The following TBCK variants were observed in gnomAD, a reference collection of about 807,000 sequenced individuals.
The protein encoded by TBCK is TBC domain-containing protein kinase-like protein.
TBCK carries 99 observed loss-of-function variants against 113.4 expected under a neutral mutation model. That is an observed-to-expected ratio of 0.87 (90% CI 0.74 to 1.03). TBCK has a LOEUF of 1.03. Among genes scored for constraint, TBCK ranks in the 50% least tolerant of loss-of-function variants. TBCK has a pLI of 0.00. For missense variants in TBCK, 1,045 were observed against 1,061.3 expected (o/e 0.98, Z 0.21); for synonymous variants, 369 against 370.8 (o/e 1.00, Z 0.05).
intron 22 of TBCK, among the ~76,000 whole-genome samples, chr4:106,174,581 T>C (rs763696936): frequency 6.6e-6 from 1 of 152,160 alleles, no homozygotes; most frequent in Non-Finnish European, 1.5e-5. Flanking sequence ...TTCATTGTGC[T>C]GGGCATTTGG....
Position 106,100,191 on chromosome 4 carries a change from A to G in TBCK, c.2412-4550T>C, listed in dbSNP as rs186402213. On this transcript the variant is annotated intron_variant, in intron 24 of 25. Coordinates refer to ENST00000394708, the MANE Select transcript of TBCK (RefSeq NM_001163435.3). ...TTCTAATGAAAATGACTTCTATCTAAACAACTGATAGGAACAATGTGTATT... is the reference window on the plus strand; with the variant it reads ...TTCTAATGAAAATGACTTCTATCTAGACAACTGATAGGAACAATGTGTATT... Among the ~76,000 whole-genome samples, 62 of 152,320 alleles carry G rather than the reference A, an allele frequency of 4.1e-4. 2 individuals carry two copies. The East Asian group carries it at 0.012, about 29-fold the overall frequency.
At position 106,145,221 on chromosome 4, in the gene TBCK, G is replaced by A. The variant is rs1009827760; in HGVS notation, c.2235+25874C>T. Among the ~76,000 whole-genome samples the A allele has an allele frequency of 5.3e-5, 8 of 151,658 alleles. No individual in the cohort carries two copies. In the East Asian group the frequency reaches 1.6e-3, roughly 30 times the overall value. On this transcript the variant is annotated intron_variant, in intron 23 of 25. Coordinates refer to ENST00000394708, the MANE Select transcript of TBCK (RefSeq NM_001163435.3). The stretch of plus-strand genomic sequence containing the variant: ...TAGTCCCAGCTACTTGTGAGGCTGA[G>A]GCAGGAGAATTGCTTGAACCCAGGA...
At chr4:106,153,446 A>C (rs1184952078) in intron 23 of TBCK, among the ~76,000 whole-genome samples, 1 of 152,080 alleles carries the variant, frequency 6.6e-6, no homozygotes, top group Non-Finnish European at 1.5e-5. Flanking sequence ...TGAATGTTTT[A>C]AGATTTGCTT....
chr4:106,084,983 T>C (rs1442344754), intron 25 of TBCK, among the ~76,000 whole-genome samples: 1 of 152,064 alleles, frequency 6.6e-6, no homozygotes, highest in African/African-American at 2.4e-5. Flanking sequence ...TGCCAGCCAC[T>C]GCAAAAACAC....
intron 22 of TBCK, among the ~76,000 whole-genome samples, chr4:106,191,048 T>C (rs1209016006): frequency 6.6e-6 from 1 of 152,202 alleles, no homozygotes; most frequent in African/African-American, 2.4e-5. Context: ...AACCAATTGC[T>C]CAGTGAACAT....
intron 2 of TBCK, among the ~76,000 whole-genome samples, chr4:106,301,912 A>G (rs962250356): frequency 8.5e-5 from 13 of 152,218 alleles, no homozygotes; most frequent in African/African-American, 2.4e-5. Context: ...ATGTGTTCAT[A>G]TTGAGAAATA....
intron 3 of TBCK, among the ~76,000 whole-genome samples, chr4:106,268,258 T>C (rs917255429): frequency 3.9e-5 from 6 of 152,094 alleles, no homozygotes; most frequent in African/African-American, 1.2e-4. Flanking sequence ...TGTGGTAGAA[T>C]TGAACTCCCT....
intron 3 of TBCK, among the ~76,000 whole-genome samples, chr4:106,280,591 T>A (rs1198131552): frequency 6.6e-6 from 1 of 152,152 alleles, no homozygotes; most frequent in Non-Finnish European, 1.5e-5. Flanking sequence ...TAATCCATTT[T>A]GATTTGAATT....
At chr4:106,059,827 T>C (rs1735836863) in intron 25 of TBCK, among the ~76,000 whole-genome samples, 1 of 151,796 alleles carries the variant, frequency 6.6e-6, no homozygotes, top group South Asian at 2.1e-4. Context: ...AACAGCCAAG[T>C]TGTGAATGCA....
intron 23 of TBCK, among the ~76,000 whole-genome samples, chr4:106,128,885 T>C (rs1181382101): frequency 6.6e-6 from 1 of 152,174 alleles, no homozygotes; most frequent in African/African-American, 2.4e-5. Context: ...TCGTATGATA[T>C]TGCATCAGGA....
rs182252942 is a variant in TBCK, at chr4:106,273,019, C to A, written c.267-10807G>T. ...AAAATAATAGCAATGATAAAGATAA[C>A]CATACCACAACCACTACTATAAGTA... is the stretch of plus-strand genomic sequence containing the variant. On this transcript the variant is annotated intron_variant, in intron 3 of 25. Coordinates refer to ENST00000394708, the MANE Select transcript of TBCK (RefSeq NM_001163435.3). 9.9e-4 allele frequency among the ~76,000 whole-genome samples: 151 copies of A among 152,242 alleles called. 2 individuals carry two copies. The highest frequency in any genetic ancestry group is 3.3e-3 in the African/African-American group (139 of 41,532).
chr4:106,138,064 CACAA>C lies in TBCK; in HGVS notation c.2236-21690_2236-21687del, dbSNP rs1746772828. Among the ~76,000 whole-genome samples the C allele has an allele frequency of 1.4e-5, 2 of 141,160 alleles. 1 individual carries two copies. The highest frequency in any genetic ancestry group is 1.4e-4 in the Admixed American group (2 of 14,284). 92.6% of individuals were successfully genotyped at this position (141,160 alleles called of 152,430 possible). A position where few individuals can be genotyped will look rare whatever the true frequency, so the allele number is the denominator to read the frequency against. On this transcript the variant is annotated intron_variant, in intron 23 of 25. Transcript: ENST00000394708. ...GTGCAAACATCATAGGGTGTATTTACACAAACAAAGATGGCATATATACTTATTT... is the reference window on the plus strand; with the variant it reads ...GTGCAAACATCATAGGGTGTATTTACACAAAGATGGCATATATACTTATTT...
chr4:106,108,105 C>T (rs1742390070), intron 24 of TBCK, among the ~76,000 whole-genome samples: 1 of 152,074 alleles, frequency 6.6e-6, no homozygotes, highest in Non-Finnish European at 1.5e-5. Context: ...GAAGTTCAAT[C>T]AGTAATAAAT....
At chr4:106,067,424 T>C (rs1295727028) in intron 25 of TBCK, among the ~76,000 whole-genome samples, 2 of 152,134 alleles carry the variant, frequency 1.3e-5, no homozygotes, top group African/African-American at 4.8e-5. Context: ...ATCAGGCATA[T>C]GATTTACAAA....
intron 22 of TBCK, among the ~76,000 whole-genome samples, chr4:106,177,548 G>C (rs1039777186): frequency 6.6e-6 from 1 of 151,852 alleles, no homozygotes; most frequent in Non-Finnish European, 1.5e-5. Context: ...TCTGCATATG[G>C]AGATACAGTT....
At chr4:106,126,261 T>G (rs988795158) in intron 23 of TBCK, among the ~76,000 whole-genome samples, 18 of 152,230 alleles carry the variant, frequency 1.2e-4, no homozygotes, top group Admixed American at 2.0e-4. Context: ...GGTATACATC[T>G]TTATTATAAT....
intron 24 of TBCK, among the ~76,000 whole-genome samples, chr4:106,106,613 CCAGACCTGCCTTACAAGAGATCTTGA>C (rs1162140844): frequency 1.3e-5 from 2 of 152,156 alleles, no homozygotes; most frequent in African/African-American, 4.8e-5. Flanking sequence ...TTCATTACTA[CCAGACCTGCCTTACAAGAGATCTTGA>C]AAGCAGCACT....
intron 19 of TBCK, among the ~76,000 whole-genome samples, chr4:106,227,284 T>G (rs990754074): frequency 2.0e-5 from 3 of 152,090 alleles, no homozygotes; most frequent in African/African-American, 7.2e-5. Context: ...ATGATTCAAT[T>G]TGCTTGTAAA....
chr4:106,144,013 G>A (rs1041512423), intron 23 of TBCK, among the ~76,000 whole-genome samples: 6 of 151,796 alleles, frequency 4.0e-5, no homozygotes, highest in Non-Finnish European at 5.9e-5. Context: ...ACCATGCATC[G>A]CTAATTAACA....
Sources: allele counts gnomAD v4.1 joint callset (sites outside exome capture counted in the v4.1 genomes callset), GRCh38; gene constraint gnomAD v4.1.1; transcripts MANE v1.5; gene names NCBI Gene and HGNC (gene_info 2026-07-23, HGNC 2026-07-21).